ABCC2: variants seen among roughly 807,000 people sequenced by gnomAD.
ABCC2 encodes ATP binding cassette subfamily C member 2.
A neutral mutation model predicts 173.4 loss-of-function variants in ABCC2; 157 were observed. The observed-to-expected ratio is 0.91, with a 90% CI of 0.80 to 1.03. The LOEUF (loss-of-function observed/expected upper bound fraction) is 1.03, where lower values mean the gene tolerates loss of function less well. ABCC2 is among the 50% of genes least tolerant of loss of function. ABCC2 has a pLI of 0.00. For missense variants in ABCC2, 1,822 were observed against 1,852.3 expected (o/e 0.98, Z 0.30); for synonymous variants, 657 against 693.5 (o/e 0.95, Z 0.83).
intron 8 of ABCC2, among the ~76,000 whole-genome samples, chr10:99,799,944 G>T (rs2037984708): frequency 6.6e-6 from 1 of 152,220 alleles, no homozygotes; most frequent in Non-Finnish European, 1.5e-5. Context: ...GCTCATGACT[G>T]TAATCTCAGC....
In ABCC2 at chr10:99,813,066, T is replaced by C; in HGVS notation, c.2016T>C (p.Pro672=). ...MAGQLVAVIG[P]VGSGKSSLIS... ...GCCAACTTGTGGCTGTGATAGGCCC[T>C]GTCGGCTCTGGGAAATCCTCCTTGA... Residue 672 remains proline, a synonymous_variant, in exon 16 of 32, where the codon CCT becomes CCC. Coordinates refer to ENST00000647814, the MANE Select transcript of ABCC2 (RefSeq NM_000392.5). 1 of 1,614,022 alleles carries C rather than the reference T, an allele frequency of 6.2e-7. No homozygotes were observed. The highest frequency in any genetic ancestry group is 8.5e-7 in the Non-Finnish European group (1 of 1,179,866).
At chr10:99,808,663 A>G (rs1042295340) in intron 13 of ABCC2, among the ~76,000 whole-genome samples, 5 of 152,178 alleles carry the variant, frequency 3.3e-5, no homozygotes, top group Non-Finnish European at 7.3e-5. Flanking sequence ...GCAAATTGAG[A>G]GCCTCAAGCT....
At chr10:99,816,946 G>A (rs1005673399) in intron 16 of ABCC2, among the ~76,000 whole-genome samples, 2 of 152,126 alleles carry the variant, frequency 1.3e-5, no homozygotes, top group Non-Finnish European at 2.9e-5. Context: ...GTTGAGGACC[G>A]CTGATCTATA....
At chr10:99,818,412 G>C (rs1230194187) in intron 17 of ABCC2, among the ~76,000 whole-genome samples, 3 of 152,174 alleles carry the variant, frequency 2.0e-5, no homozygotes, top group Non-Finnish European at 4.4e-5. Context: ...TGAAGATACA[G>C]CTCTGGAGTA....
rs141551710 is a variant in ABCC2 at position 99,814,632 on chromosome 10, T to C, written c.2094+1488T>C. 7.2e-4 allele frequency among the ~76,000 whole-genome samples: 91 copies of C among 127,034 alleles called. 4 individuals carry two copies. Among genetic ancestry groups the C allele is most frequent in the African/African-American group, 2.7e-3 (82 of 30,422 alleles). The allele number at this position is 127,034 out of a possible 152,430, so 83.3% of individuals were successfully genotyped here. ...GTGTATATACACATATACACACATATGTGTATATACACATATACACACACA... is the reference window on the plus strand; with the variant it reads ...GTGTATATACACATATACACACATACGTGTATATACACATATACACACACA... On this transcript the variant is annotated intron_variant, in intron 16 of 31. Coordinates refer to ENST00000647814, the MANE Select transcript of ABCC2 (RefSeq NM_000392.5).
At chr10:99,849,208 A>G (rs1414225904) in intron 30 of ABCC2, among the ~76,000 whole-genome samples, 3 of 152,146 alleles carry the variant, frequency 2.0e-5, no homozygotes, top group Non-Finnish European at 2.9e-5. Context: ...CCAGCCTGGG[A>G]GACAAGAGCG....
Position 99,803,964 on chromosome 10 carries a change from C to T in ABCC2, c.1210-55C>T, listed in dbSNP as rs1372008758. 1.1e-5 allele frequency: 18 copies of T among 1,610,070 alleles called. No homozygotes were observed. In the East Asian group the frequency reaches 3.8e-4, roughly 34 times the overall value. On this transcript the variant is annotated intron_variant, in intron 9 of 31. Transcript: ENST00000647814. ...CTCACTTCCTGAGCTTCCTCTTCTA[C>T]TCCCTAGTATCCTTGGCTTTGTCCA...
intron 9 of ABCC2, among the ~76,000 whole-genome samples, chr10:99,801,321 C>G (rs548836832): frequency 6.6e-6 from 1 of 152,282 alleles, no homozygotes; most frequent in African/African-American, 2.4e-5. Context: ...ACTGCAACCT[C>G]CATCTCCTGG....
intron 19 of ABCC2, among the ~76,000 whole-genome samples, chr10:99,829,328 G>GT (rs1363205337): frequency 2.6e-5 from 4 of 152,116 alleles, no homozygotes; most frequent in African/African-American, 9.7e-5. Context: ...CAGAAATAGG[G>GT]TAAGTTAAAC....
In ABCC2 at chr10:99,811,448, G is replaced by A. The variant is rs537828381; in HGVS notation, c.1901-88G>A. 358 of 1,308,444 alleles carry A rather than the reference G, an allele frequency of 2.7e-4. 6 individuals carry two copies. The South Asian group carries it at 4.1e-3, about 15-fold the overall frequency. 81.1% of individuals were successfully genotyped at this position (1,308,444 alleles called of 1,614,324 possible). A position where few individuals can be genotyped will look rare whatever the true frequency, so the allele number is the denominator to read the frequency against. ...GCACTTAGCAGAAACAATCCTAGGA[G>A]CTGATGGAGAAAGCGGAGAGAGACA... On this transcript the variant is annotated intron_variant, in intron 14 of 31. Coordinates refer to ENST00000647814, the MANE Select transcript of ABCC2 (RefSeq NM_000392.5).
Position 99,814,436 on chromosome 10 carries a change from TAC to T in ABCC2, c.2094+1298_2094+1299del, listed in dbSNP as rs1253739319. Among the ~76,000 whole-genome samples the T allele has an allele frequency of 5.8e-5, 7 of 120,030 alleles. 1 individual carries two copies. Among genetic ancestry groups the T allele is most frequent in the Non-Finnish European group, 1.0e-4 (6 of 57,882 alleles). The allele number at this position is 120,030 out of a possible 152,430, so 78.7% of individuals were successfully genotyped here. On this transcript the variant is annotated intron_variant, in intron 16 of 31. Coordinates refer to ENST00000647814, the MANE Select transcript of ABCC2 (RefSeq NM_000392.5). ...GTATATATGTGTGCATATATGTGTA[TAC>T]ACACATATGTGTGTATATACATACA...
At chr10:99,813,595 A>T (rs759814870) in intron 16 of ABCC2, among the ~76,000 whole-genome samples, 1 of 152,110 alleles carries the variant, frequency 6.6e-6, no homozygotes, top group Non-Finnish European at 1.5e-5. Flanking sequence ...TGTGCCTGTT[A>T]TCCCAGCTAC....
intron 19 of ABCC2, among the ~76,000 whole-genome samples, chr10:99,823,367 A>T (rs2038573108): frequency 6.6e-6 from 1 of 152,068 alleles, no homozygotes; most frequent in Non-Finnish European, 1.5e-5. Context: ...CTCGAATATG[A>T]GTAATATAAA....
chr10:99,842,895 CA>C (rs200521156), intron 26 of ABCC2, among the ~76,000 whole-genome samples: 4 of 151,676 alleles, frequency 2.6e-5, no homozygotes, highest in South Asian at 2.1e-4. Flanking sequence ...ACTAAAAATA[CA>C]AAAAAAATTA....
chr10:99,793,563 C>T lies in ABCC2; in HGVS notation c.346C>T (p.Leu116=). The part of the protein sequence containing the change: ...LYLGTWLLVL[L]IQYSRQWCVQ... ...AATTTCTCTCCAGCTCCTGGTTTTG[C>T]TGATCCAATACAGCAGACAATGGTG... is the stretch of plus-strand genomic sequence containing the variant. Residue 116 remains leucine, a synonymous_variant, in exon 4 of 32, where the codon CTG becomes TTG. Transcript: ENST00000647814. The T allele has an allele frequency of 6.2e-7, 1 of 1,614,104 alleles. No homozygotes were observed. The highest frequency in any genetic ancestry group is 1.7e-5 in the Admixed American group (1 of 60,012).
chr10:99,818,340 C>T (rs1403834322), intron 17 of ABCC2, among the ~76,000 whole-genome samples: 1 of 152,182 alleles, frequency 6.6e-6, no homozygotes, highest in Non-Finnish European at 1.5e-5. Context: ...CCTCCCTCCC[C>T]ATTACTAGAA....
chr10:99,835,758 A>C (rs573533966), intron 24 of ABCC2, among the ~76,000 whole-genome samples: 1 of 152,162 alleles, frequency 6.6e-6, no homozygotes, highest in African/African-American at 2.4e-5. Flanking sequence ...GAGTACAGAA[A>C]CTGTCACATG....
At chr10:99,817,878 T>C (rs1465449012) in intron 17 of ABCC2, among the ~76,000 whole-genome samples, 3 of 152,144 alleles carry the variant, frequency 2.0e-5, no homozygotes, top group Non-Finnish European at 4.4e-5. Context: ...TTTGAACACT[T>C]AGATGTTTAT....
intron 20 of ABCC2, 132 bp downstream of exon 20, chr10:99,830,565 T>C: frequency 6.4e-6 from 10 of 1,563,908 alleles, no homozygotes; most frequent in Non-Finnish European, 8.8e-6. Flanking sequence ...GTTTCTTTGT[T>C]GTGGGGATGG....
Sources: gnomAD v4.1 joint callset for allele counts (sites outside exome capture counted in the v4.1 genomes callset) on GRCh38, gnomAD v4.1.1 for gene constraint, MANE v1.5 for transcripts, NCBI Gene and HGNC (gene_info 2026-07-23, HGNC 2026-07-21) for gene names.